KCNH7: variants seen among roughly 807,000 people sequenced by gnomAD.
The protein encoded by KCNH7 is voltage-gated inwardly rectifying potassium channel KCNH7.
In KCNH7, 49 loss-of-function variants were observed where a neutral mutation model predicts 120.8. The observed-to-expected ratio is 0.41, with a 90% confidence interval of 0.32 to 0.51. The LOEUF is 0.51. Among genes scored for constraint, KCNH7 ranks in the 20% least tolerant of loss-of-function variants. The pLI, the probability that KCNH7 is intolerant of heterozygous loss-of-function variation, is 0.38. For missense variants in KCNH7, 1,097 were observed against 1,446.6 expected (o/e 0.76, Z 3.92); for synonymous variants, 547 against 516.1 (o/e 1.06, Z -0.81).
chr2:162,376,590 C>T, intron 14 of KCNH7, among the ~76,000 whole-genome samples: 1 of 152,060 alleles, frequency 6.6e-6, no homozygotes, highest in Non-Finnish European at 1.5e-5. Context: ...TCTCGAACTC[C>T]TGACCTTGTG....
At chr2:162,521,678 T>C (rs192254328) in intron 3 of KCNH7, among the ~76,000 whole-genome samples, 18 of 152,046 alleles carry the variant, frequency 1.2e-4, no homozygotes, top group Admixed American at 5.9e-4. Context: ...GATGCAAGAA[T>C]ACATTGTGTA....
chr2:162,797,781 C>T (rs62171415), intron 2 of KCNH7: 8,110 of 152,034 alleles, frequency 0.053, 307 homozygotes, highest in South Asian at 0.11. Context: ...CCTAGTCAGG[C>T]GTGACTATAC....
At chr2:162,692,577 C>T (rs1454744885) in intron 2 of KCNH7, among the ~76,000 whole-genome samples, 1 of 152,080 alleles carries the variant, frequency 6.6e-6, no homozygotes, top group Non-Finnish European at 1.5e-5. Context: ...TATTTTTCTA[C>T]TGACAACCCA....
At chr2:162,629,706 T>C (rs1434159271) in intron 2 of KCNH7, among the ~76,000 whole-genome samples, 4 of 152,072 alleles carry the variant, frequency 2.6e-5, no homozygotes, top group African/African-American at 9.7e-5. Flanking sequence ...AGTGACGTCA[T>C]GTTAGTAGCT....
At chr2:162,660,536 T>C (rs531959858) in intron 2 of KCNH7, among the ~76,000 whole-genome samples, 1 of 152,326 alleles carries the variant, frequency 6.6e-6, no homozygotes, top group East Asian at 1.9e-4. Context: ...ATGTGTTCTA[T>C]TCTGGTGAAT....
At chr2:162,629,244 A>AAC (rs1683672914) in intron 2 of KCNH7, among the ~76,000 whole-genome samples, 1 of 152,072 alleles carries the variant, frequency 6.6e-6, no homozygotes. Flanking sequence ...ATAGCAGACT[A>AAC]TGATTGAGGC....
At chr2:162,491,754 C>T (rs1690316016) in intron 6 of KCNH7, among the ~76,000 whole-genome samples, 1 of 152,124 alleles carries the variant, frequency 6.6e-6, no homozygotes, top group Non-Finnish European at 1.5e-5. Flanking sequence ...CTCACGTACC[C>T]CAGGTATTTG....
chr2:162,645,873 G>A (rs1380458318), intron 2 of KCNH7, among the ~76,000 whole-genome samples: 2 of 152,012 alleles, frequency 1.3e-5, no homozygotes, highest in East Asian at 3.9e-4. Context: ...GCTGTCCAGT[G>A]AGAGAATTTG....
intron 2 of KCNH7, among the ~76,000 whole-genome samples, chr2:162,666,821 C>A (rs914955614): frequency 6.6e-6 from 1 of 152,064 alleles, no homozygotes; most frequent in Non-Finnish European, 1.5e-5. Flanking sequence ...TTCCACTGTC[C>A]ATCCCAAGCC....
chr2:162,762,846 T>C (rs1017432318), intron 2 of KCNH7, among the ~76,000 whole-genome samples: 7 of 152,052 alleles, frequency 4.6e-5, no homozygotes, highest in African/African-American at 9.7e-5. Flanking sequence ...TAGGTAAACA[T>C]GGGAGGTATG....
chr2:162,416,297 C>T (rs1351732574), intron 9 of KCNH7, among the ~76,000 whole-genome samples: 1 of 151,120 alleles, frequency 6.6e-6, no homozygotes, highest in East Asian at 2.0e-4. Flanking sequence ...CGCTTGAACC[C>T]AGGAGGTGGA....
At chr2:162,674,132 A>C (rs143597769) in intron 2 of KCNH7, among the ~76,000 whole-genome samples, 1 of 151,878 alleles carries the variant, frequency 6.6e-6, no homozygotes, top group East Asian at 1.9e-4. Flanking sequence ...AGGAAGGTGG[A>C]AAGATAAATT....
chr2:162,440,287 T>C (rs1249521298), intron 7 of KCNH7, among the ~76,000 whole-genome samples: 1 of 151,962 alleles, frequency 6.6e-6, no homozygotes, highest in Non-Finnish European at 1.5e-5. Context: ...ATATGCAGGG[T>C]TGATAGAATG....
intron 2 of KCNH7, among the ~76,000 whole-genome samples, chr2:162,692,361 T>C (rs1261196353): frequency 1.3e-5 from 2 of 152,032 alleles, no homozygotes; most frequent in African/African-American, 4.8e-5. Flanking sequence ...CCACCACGAG[T>C]ACAATGAATT....
intron 6 of KCNH7, among the ~76,000 whole-genome samples, chr2:162,478,336 C>T (rs1558967370): frequency 6.6e-6 from 1 of 152,086 alleles, no homozygotes; most frequent in Non-Finnish European, 1.5e-5. Context: ...TGGAAGTGGG[C>T]GAGCAGATTT....
intron 2 of KCNH7, among the ~76,000 whole-genome samples, chr2:162,816,492 T>A (rs1281556846): frequency 1.3e-5 from 2 of 152,164 alleles, no homozygotes; most frequent in East Asian, 3.8e-4. Context: ...GCTCAGAGAC[T>A]ATTGAAGATC....
At chr2:162,776,079 T>A (rs916313449) in intron 2 of KCNH7, among the ~76,000 whole-genome samples, 1 of 152,228 alleles carries the variant, frequency 6.6e-6, no homozygotes, top group Non-Finnish European at 1.5e-5. Context: ...TAGTAAAGTA[T>A]GAAAAGAGTA....
At chr2:162,784,003 T>C (rs1308390814) in intron 2 of KCNH7, among the ~76,000 whole-genome samples, 1 of 152,178 alleles carries the variant, frequency 6.6e-6, no homozygotes. Context: ...ATAAAATATA[T>C]GTTGATATCC....
At chr2:162,671,557 G>T (rs1685358423) in intron 2 of KCNH7, among the ~76,000 whole-genome samples, 1 of 152,000 alleles carries the variant, frequency 6.6e-6, no homozygotes, top group Admixed American at 6.6e-5. Context: ...AACTCCAAAA[G>T]GTGGGATAGT....
Sources: gnomAD v4.1 joint callset for allele counts (sites outside exome capture counted in the v4.1 genomes callset) on GRCh38, gnomAD v4.1.1 for gene constraint, MANE v1.5 for transcripts, NCBI Gene and HGNC (gene_info 2026-07-23, HGNC 2026-07-21) for gene names.